The following DPP6 variants were observed in gnomAD, a reference collection of about 807,000 sequenced individuals.
DPP6 encodes dipeptidyl peptidase like 6.
A neutral mutation model predicts 122.6 loss-of-function variants in DPP6; 69 were observed. That is an observed-to-expected ratio of 0.56 (90% CI 0.46 to 0.69). The LOEUF is 0.69. Among genes scored for constraint, DPP6 ranks in the 30% least tolerant of loss-of-function variants. DPP6 has a pLI of 0.00. For synonymous variants in DPP6, 418 were observed against 433.1 expected, an observed-to-expected ratio of 0.97 and a Z score of 0.43; for missense variants, 928 against 1,116.9, an observed-to-expected ratio of 0.83 and a Z score of 2.41.
intron 1 of DPP6, among the ~76,000 whole-genome samples, chr7:154,238,770 A>C (rs1048575261): frequency 6.6e-6 from 1 of 152,226 alleles, no homozygotes; most frequent in Non-Finnish European, 1.5e-5. Flanking sequence ...CTTGATCCTC[A>C]TGAAAATTAT....
intron 16 of DPP6, among the ~76,000 whole-genome samples, chr7:154,829,407 G>A (rs56033409): frequency 0.81 from 108,082 of 133,410 alleles, 44,050 homozygotes; most frequent in Non-Finnish European, 0.84. Flanking sequence ...GGAGAGAAGA[G>A]GGGGAGAGGA....
chr7:153,842,998 G>A, the DPP6 span, among the ~76,000 whole-genome samples: 2 of 151,970 alleles, frequency 1.3e-5, no homozygotes, highest in Non-Finnish European at 2.9e-5. Flanking sequence ...GTGTGTGCAC[G>A]CACATACACA....
intron 3 of DPP6, among the ~76,000 whole-genome samples, chr7:154,493,112 A>G (rs4725546): frequency 0.014 from 2,080 of 152,288 alleles, 56 homozygotes; most frequent in African/African-American, 0.047. Context: ...TATGGGACCC[A>G]TCAAAGATGT....
intron 16 of DPP6, among the ~76,000 whole-genome samples, chr7:154,839,725 G>C (rs1563269554): frequency 1.3e-5 from 2 of 152,218 alleles, no homozygotes; most frequent in African/African-American, 4.8e-5. Flanking sequence ...GACTGGGAGG[G>C]AAGAGCGGGT....
chr7:154,147,475 T>A (rs1796157058), intron 1 of DPP6, among the ~76,000 whole-genome samples: 1 of 141,452 alleles, frequency 7.1e-6, no homozygotes, highest in Non-Finnish European at 1.5e-5. Context: ...CCTTCCTTCC[T>A]TCCTTCCTTC....
At chr7:154,504,842 G>C (rs747123551) in intron 3 of DPP6, among the ~76,000 whole-genome samples, 4 of 148,922 alleles carry the variant, frequency 2.7e-5, no homozygotes, top group Non-Finnish European at 4.5e-5. Flanking sequence ...ACATGTTTTT[G>C]AAACTTGTCG....
rs756517831 is a variant in DPP6, at chr7:154,821,653, T to TAC, written c.1666+14542_1666+14543insCA. On this transcript the variant is annotated intron_variant, in intron 16 of 25. Coordinates refer to ENST00000377770, the MANE Select transcript of DPP6 (RefSeq NM_130797.4). The surrounding 1 kb of genome is among the most constrained non-coding windows in gnomAD (Gnocchi z 4.2). Reference sequence around the variant, plus strand: ...GTATATATATATATATATACACATATATATATATATACACATATATATATA... The same window carrying TAC: ...GTATATATATATATATATACACATATACATATATATATACACATATATATATA... Among the ~76,000 whole-genome samples the TAC allele has an allele frequency of 3.7e-5, 4 of 107,094 alleles. No individual in the cohort carries two copies. Among genetic ancestry groups the TAC allele is most frequent in the African/African-American group, 1.4e-4 (4 of 29,614 alleles). The allele number at this position is 107,094 out of a possible 152,430, so 70.3% of individuals were successfully genotyped here. A position where few individuals can be genotyped will look rare whatever the true frequency, so the allele number is the denominator to read the frequency against.
chr7:154,076,851 A>G (rs1803590368), intron 1 of DPP6, among the ~76,000 whole-genome samples: 1 of 151,726 alleles, frequency 6.6e-6, no homozygotes, highest in Admixed American at 6.6e-5. Context: ...CTGATACTTA[A>G]TGAGGAATAC....
the DPP6 span, among the ~76,000 whole-genome samples, chr7:153,860,266 G>A: frequency 6.6e-6 from 1 of 152,246 alleles, no homozygotes; most frequent in Non-Finnish European, 1.5e-5. Flanking sequence ...CCACCATGTT[G>A]GGGCTGCAGG....
At chr7:154,538,423 T>A (rs1174375020) in intron 3 of DPP6, among the ~76,000 whole-genome samples, 1 of 152,092 alleles carries the variant, frequency 6.6e-6, no homozygotes, top group Non-Finnish European at 1.5e-5. Context: ...CCCCAGTGTA[T>A]GTCGTTCCCC....
rs182725356 is a variant in DPP6, at chr7:154,091,847, G to A, written c.243+38784G>A. On this transcript the variant is annotated intron_variant, in intron 1 of 25. Transcript: ENST00000377770. Reference sequence around the variant, plus strand: ...TCCACTGCCCAGCATTTTGTTCATCGTGCAGCTTTATAAACTGTCCAAAGC... The same window carrying A: ...TCCACTGCCCAGCATTTTGTTCATCATGCAGCTTTATAAACTGTCCAAAGC... Among the ~76,000 whole-genome samples, 727 of 152,230 alleles carry A rather than the reference G, an allele frequency of 4.8e-3. 6 individuals are homozygous for A. Among genetic ancestry groups the A allele is most frequent in the Non-Finnish European group, 5.2e-3 (357 of 68,026 alleles).
chr7:153,959,939 T>A (rs201043230), intron 1 of DPP6, among the ~76,000 whole-genome samples: 2 of 147,258 alleles, frequency 1.4e-5, no homozygotes, highest in African/African-American at 2.5e-5. Context: ...TTTTTTTTTT[T>A]ATTTAAAGTG....
At chr7:154,294,865 A>G (rs923177758) in intron 1 of DPP6, among the ~76,000 whole-genome samples, 2 of 152,182 alleles carry the variant, frequency 1.3e-5, no homozygotes, top group African/African-American at 4.8e-5. Flanking sequence ...CACAGCTGGC[A>G]CCAAATTCTG....
At chr7:153,881,663 G>A in the DPP6 span, among the ~76,000 whole-genome samples, 3 of 152,078 alleles carry the variant, frequency 2.0e-5, no homozygotes, top group East Asian at 1.9e-4. Flanking sequence ...GTAGGACACG[G>A]CTCACATGGC....
intron 4 of DPP6, among the ~76,000 whole-genome samples, chr7:154,541,573 T>A (rs1021872967): frequency 6.6e-6 from 1 of 152,242 alleles, no homozygotes; most frequent in Non-Finnish European, 1.5e-5. Context: ...TTCAGACTCT[T>A]ATTAGAATAA....
intron 5 of DPP6, among the ~76,000 whole-genome samples, chr7:154,630,751 C>A (rs10227652): frequency 0.42 from 63,961 of 151,138 alleles, 14,065 homozygotes; most frequent in African/African-American, 0.57. Context: ...ACATGGACAC[C>A]GGGAGGGGAA....
intron 1 of DPP6, among the ~76,000 whole-genome samples, chr7:154,288,332 A>G (rs1260059223): frequency 1.3e-5 from 2 of 152,174 alleles, no homozygotes; most frequent in African/African-American, 4.8e-5. Flanking sequence ...CCGAGGGAAT[A>G]TATGTGGGAG....
chr7:154,622,580 G>A (rs768519850), intron 5 of DPP6, among the ~76,000 whole-genome samples: 2 of 152,182 alleles, frequency 1.3e-5, no homozygotes, highest in Non-Finnish European at 2.9e-5. Flanking sequence ...CAGAAAACAA[G>A]CTGGAATCAG....
chr7:154,479,862 A>G (rs1177789660), intron 3 of DPP6, among the ~76,000 whole-genome samples: 3 of 151,992 alleles, frequency 2.0e-5, no homozygotes, highest in African/African-American at 7.3e-5. Flanking sequence ...CTAGATGATG[A>G]TAATTGCAAA....
Sources: allele counts gnomAD v4.1 joint callset (sites outside exome capture counted in the v4.1 genomes callset), GRCh38; gene constraint gnomAD v4.1.1; non-coding constraint Gnocchi (gnomAD v3.1); transcripts MANE v1.5; gene names NCBI Gene and HGNC (gene_info 2026-07-23, HGNC 2026-07-21).